The following FBLN7 variants were observed in gnomAD, a reference collection of about 807,000 sequenced individuals.
FBLN7 encodes the protein fibulin 7.
FBLN7 carries 31 observed loss-of-function variants against 44.0 expected under a neutral mutation model. That is an observed-to-expected ratio of 0.70 (90% confidence interval 0.53 to 0.95). FBLN7 has a LOEUF of 0.95. Among genes scored for constraint, FBLN7 ranks in the 40% least tolerant of loss-of-function variants. The pLI is 0.00. For synonymous variants in FBLN7, 262 were observed against 253.4 expected (o/e 1.03, Z -0.32); for missense variants, 573 against 618.5 (o/e 0.93, Z 0.78).
chr2:112,207,942 G>A, the FBLN7 span, among the ~76,000 whole-genome samples: 1 of 152,174 alleles, frequency 6.6e-6, no homozygotes, highest in Non-Finnish European at 1.5e-5. Context: ...AATCCGTTCT[G>A]ACAATCTTTT....
At chr2:112,184,143 C>T (rs1034254222) in intron 6 of FBLN7, among the ~76,000 whole-genome samples, 4 of 152,186 alleles carry the variant, frequency 2.6e-5, no homozygotes, top group African/African-American at 9.7e-5. Flanking sequence ...TGGTTCTGCT[C>T]CTGCAGGCAT....
the FBLN7 span, among the ~76,000 whole-genome samples, chr2:112,220,805 G>C: frequency 3.3e-5 from 5 of 152,182 alleles, no homozygotes; most frequent in Non-Finnish European, 7.3e-5. Context: ...TGAGCAAAAA[G>C]AGCGAAACTC....
chr2:112,187,661 G>C lies in FBLN7; in HGVS notation c.*155G>C. On this transcript the variant is annotated 3_prime_UTR_variant, in exon 8 of 8. Coordinates refer to ENST00000331203, the MANE Select transcript of FBLN7 (RefSeq NM_153214.3). This position sits in a 1 kb window ranked among gnomAD's most constrained non-coding sequence, Gnocchi z 5.1. ...GGGCAGCGTTGCACGGCGCCCCATG[G>C]AATAGCACGGAAGAGCAGCCACAAA... The C allele has an allele frequency of 1.0e-6, 1 of 982,390 alleles. No individual in the cohort carries two copies. Among genetic ancestry groups the C allele is most frequent in the Admixed American group, 2.5e-5 (1 of 40,176 alleles). The allele number at this position is 982,390 out of a possible 1,614,324, so 60.9% of individuals were successfully genotyped here.
chr2:112,159,709 A>G lies in FBLN7; in HGVS notation c.109A>G (p.Ile37Val). 6.3e-7 allele frequency: 1 copy of G among 1,578,610 alleles called. No homozygotes were observed. Among genetic ancestry groups the G allele is most frequent in the Non-Finnish European group, 8.6e-7 (1 of 1,161,862 alleles). ...CAGCAAACAGCAGCTCCTCTCGGCC[A>G]TCCGCCAGCTGCAGCAGCTGCTGAA... ...CLSKQQLLSAIRQLQQLLKGQ... is the reference protein window; with the variant it reads ...CLSKQQLLSAVRQLQQLLKGQ... The change falls in exon 2 of 8, where the codon ATC becomes GTC. Residue 37 changes from isoleucine to valine, a missense_variant. Transcript: ENST00000331203.
intron 3 of FBLN7, among the ~76,000 whole-genome samples, chr2:112,167,359 A>C (rs916771802): frequency 2.6e-5 from 4 of 152,048 alleles, no homozygotes; most frequent in African/African-American, 9.7e-5. Context: ...TGGAGACCCA[A>C]AGCGCTCCCC....
At chr2:112,176,178 G>C (rs1573819155) in intron 4 of FBLN7, 2 of 195,450 alleles carry the variant, frequency 1.0e-5, no homozygotes, top group East Asian at 1.2e-4. Flanking sequence ...TACGCCAGCA[G>C]AACCACCTTT....
At chr2:112,160,770 GCAGACGC>G in intron 2 of FBLN7, among the ~76,000 whole-genome samples, 1 of 36,110 alleles carries the variant, frequency 2.8e-5, no homozygotes, top group Non-Finnish European at 6.4e-5. Flanking sequence ...GCACGCACAC[GCAGACGC>G]ACACGCACGC....
chr2:112,161,008 C>T (rs201009687), intron 2 of FBLN7, among the ~76,000 whole-genome samples: 2 of 152,136 alleles, frequency 1.3e-5, no homozygotes, highest in East Asian at 3.9e-4. Context: ...AGGACAAGTT[C>T]CACTTGTCTG....
At chr2:112,230,913 C>T in the FBLN7 span, 1 of 1,279,960 alleles carries the variant, frequency 7.8e-7, no homozygotes, top group South Asian at 1.5e-5. Flanking sequence ...CTTTTTATGT[C>T]TATTTTATTT....
chr2:112,145,316 T>C (rs2104538127), intron 1 of FBLN7, among the ~76,000 whole-genome samples: 1 of 152,356 alleles, frequency 6.6e-6, no homozygotes, highest in Admixed American at 6.5e-5. Flanking sequence ...CTTTTTATTT[T>C]TTTGAGATGG....
chr2:112,189,652 A>T (rs1260281031), downstream of FBLN7: 1 of 152,230 alleles, frequency 6.6e-6, no homozygotes, highest in African/African-American at 2.4e-5. Flanking sequence ...ACTTTTTATC[A>T]TGCAAAGTTG....
chr2:112,154,423 C>T (rs72831618), intron 1 of FBLN7, among the ~76,000 whole-genome samples: 4,537 of 152,214 alleles, frequency 0.03, 84 homozygotes, highest in Middle Eastern at 0.051. Context: ...TTCGAGGGGA[C>T]GGCCTCTGGA....
intron 1 of FBLN7, among the ~76,000 whole-genome samples, chr2:112,143,471 G>T (rs1222853665): frequency 6.6e-6 from 1 of 152,096 alleles, no homozygotes; most frequent in African/African-American, 2.4e-5. Flanking sequence ...ACCATGAGAG[G>T]TTCATTCTTT....
downstream of FBLN7, chr2:112,188,497 T>C (rs11889373): frequency 0.12 from 17,675 of 151,996 alleles, 1,636 homozygotes; most frequent in African/African-American, 0.26. Context: ...CTCCAGGTGA[T>C]CAAAGAGAGA....
At chr2:112,162,613 G>A (rs1005899802) in intron 2 of FBLN7, among the ~76,000 whole-genome samples, 5 of 152,146 alleles carry the variant, frequency 3.3e-5, no homozygotes, top group Admixed American at 1.3e-4. Context: ...TGTGCTTCTC[G>A]CCAACAGAAT....
chr2:112,218,523 A>C, the FBLN7 span, among the ~76,000 whole-genome samples: 1 of 152,224 alleles, frequency 6.6e-6, no homozygotes, highest in Non-Finnish European at 1.5e-5. Flanking sequence ...ACAGTCTAAA[A>C]AGGAAATTAA....
chr2:112,164,907 G>C, intron 2 of FBLN7, 94 bp from the exon 3 acceptor site: 3 of 1,374,438 alleles, frequency 2.2e-6, no homozygotes, highest in Non-Finnish European at 3.0e-6. Context: ...ATGCAACAGA[G>C]GGCACTTCGA....
At chr2:112,191,980 T>C (rs1276988376), downstream of FBLN7, among the ~76,000 whole-genome samples, 1 of 152,220 alleles carries the variant, frequency 6.6e-6, no homozygotes, top group East Asian at 1.9e-4. Context: ...TATCCTTCCA[T>C]TTAAGCAATA....
the FBLN7 span, among the ~76,000 whole-genome samples, chr2:112,225,798 CAG>C: frequency 6.6e-6 from 1 of 152,136 alleles, no homozygotes; most frequent in Non-Finnish European, 1.5e-5. Flanking sequence ...GCCTGGACAA[CAG>C]AGTGAGCATG....
Sources: allele counts gnomAD v4.1 joint callset (sites outside exome capture counted in the v4.1 genomes callset), GRCh38; gene constraint gnomAD v4.1.1; non-coding constraint Gnocchi (gnomAD v3.1); transcripts MANE v1.5; gene names NCBI Gene and HGNC (gene_info 2026-07-23, HGNC 2026-07-21).